SLCO5A1: variants seen among roughly 807,000 people sequenced by gnomAD.
SLCO5A1 encodes the protein solute carrier organic anion transporter family member 5A1, also known as organic anion transporter polypeptide-related protein 4.
A neutral mutation model predicts 65.1 loss-of-function variants in SLCO5A1; 39 were observed. That is an observed-to-expected ratio of 0.60 (90% CI 0.46 to 0.78). The LOEUF is 0.78. SLCO5A1 is among the 30% of genes least tolerant of loss of function. SLCO5A1 has a pLI of 0.00. For missense variants in SLCO5A1, 1,029 were observed against 1,069.4 expected (o/e 0.96, Z 0.53); for synonymous variants, 438 against 415.7 (o/e 1.05, Z -0.65).
chr8:69,691,197 A>G (rs549893876), intron 6 of SLCO5A1, among the ~76,000 whole-genome samples: 19 of 152,262 alleles, frequency 1.2e-4, no homozygotes, highest in African/African-American at 4.6e-4. Context: ...CACATTTCTT[A>G]ATTAAAACTG....
At chr8:69,687,097 A>C (rs954260981) in intron 6 of SLCO5A1, among the ~76,000 whole-genome samples, 1 of 152,158 alleles carries the variant, frequency 6.6e-6, no homozygotes, top group African/African-American at 2.4e-5. Flanking sequence ...CACAATCACA[A>C]ACGTGAGGAG....
At chr8:69,684,097 G>A (rs867246765) in intron 6 of SLCO5A1, among the ~76,000 whole-genome samples, 1 of 151,586 alleles carries the variant, frequency 6.6e-6, no homozygotes, top group Admixed American at 6.6e-5. Flanking sequence ...CATTCATGTC[G>A]CTCCATAGAA....
chr8:69,822,519 C>T (rs1270671966), intron 2 of SLCO5A1, among the ~76,000 whole-genome samples: 1 of 152,138 alleles, frequency 6.6e-6, no homozygotes, highest in East Asian at 1.9e-4. Context: ...TTTTAATTTC[C>T]CATGCAATGT....
chr8:69,787,814 C>T (rs1819101983), intron 2 of SLCO5A1, among the ~76,000 whole-genome samples: 2 of 152,076 alleles, frequency 1.3e-5, no homozygotes, highest in Admixed American at 1.3e-4. Flanking sequence ...CAAACAGATG[C>T]CAGGCACTAG....
intron 5 of SLCO5A1, among the ~76,000 whole-genome samples, chr8:69,731,794 G>A (rs1277004348): frequency 6.6e-6 from 1 of 152,146 alleles, no homozygotes; most frequent in African/African-American, 2.4e-5. Context: ...CAAAATGTTG[G>A]TTTGCAAGTA....
intron 5 of SLCO5A1, among the ~76,000 whole-genome samples, chr8:69,734,863 A>C (rs1816491001): frequency 6.6e-6 from 1 of 152,236 alleles, no homozygotes; most frequent in African/African-American, 2.4e-5. Context: ...AGAGAACAAA[A>C]GAGCTCAAAT....
chr8:69,758,093 T>A (rs964927407), intron 3 of SLCO5A1, among the ~76,000 whole-genome samples: 3 of 152,248 alleles, frequency 2.0e-5, no homozygotes, highest in African/African-American at 7.2e-5. Context: ...AGTGTTATGA[T>A]GGATGTCATA....
chr8:69,832,279 A>T lies in SLCO5A1; in HGVS notation c.395T>A (p.Val132Glu). Residue 132 changes from valine (V) to glutamate (E), a missense_variant, in exon 2 of 10, where the codon GTG (valine) becomes GAG (glutamate). Transcript: ENST00000260126. The surrounding 1 kb of genome is among the most constrained non-coding windows in gnomAD (Gnocchi z 4.5). ...VVLTDSRCFL[V>E]CMCFLTFIQA... ...GATGAAGGTCAGAAAGCACATGCAC[A>T]CCAGGAAGCAACGGGAATCCGTGAG... 1 of 1,614,164 alleles carries T rather than the reference A, an allele frequency of 6.2e-7. No individual in the cohort carries two copies. The highest frequency in any genetic ancestry group is 8.5e-7 in the Non-Finnish European group (1 of 1,180,032).
chr8:69,704,462 T>A (rs986962438), intron 6 of SLCO5A1, among the ~76,000 whole-genome samples: 1 of 152,222 alleles, frequency 6.6e-6, no homozygotes, highest in African/African-American at 2.4e-5. Context: ...TTCCATTTTT[T>A]AAAAGCTCAG....
chr8:69,761,860 A>C lies in SLCO5A1; in HGVS notation c.923T>G (p.Met308Arg). 1 of 1,613,284 alleles carries C rather than the reference A, an allele frequency of 6.2e-7. No individual in the cohort carries two copies. Among genetic ancestry groups the C allele is most frequent in the Non-Finnish European group, 8.5e-7 (1 of 1,179,892 alleles). ...TCCCACTGCAGGGCCAAGTGCTCCC[A>C]TGACATACATGATGGCTGAGAAGAC... ...SSLYLAIMYV[M>R]GALGPAVGYL... Residue 308 changes from methionine (M) to arginine (R), a missense_variant, in exon 3 of 10, where the codon ATG becomes AGG. Coordinates refer to ENST00000260126, the MANE Select transcript of SLCO5A1 (RefSeq NM_030958.3).
chr8:69,772,625 A>AAAGGGAAGGGAAGGG (rs1818376472), intron 2 of SLCO5A1, among the ~76,000 whole-genome samples: 1 of 149,898 alleles, frequency 6.7e-6, no homozygotes, highest in African/African-American at 2.5e-5. Context: ...AAAGGAAAGG[A>AAAGGGAAGGGAAGGG]AAGGAAAGGA....
At chr8:69,688,485 G>C (rs183095323) in intron 6 of SLCO5A1, among the ~76,000 whole-genome samples, 6 of 147,952 alleles carry the variant, frequency 4.1e-5, no homozygotes, top group Admixed American at 6.7e-5. Flanking sequence ...ATCCCTCCCC[G>C]CTCCCCCCAC....
chr8:69,687,259 G>A (rs934664729), intron 6 of SLCO5A1, among the ~76,000 whole-genome samples: 10 of 152,102 alleles, frequency 6.6e-5, no homozygotes, highest in East Asian at 1.9e-4. Flanking sequence ...AAATCTTTTC[G>A]TCTATGGCTA....
rs143914022 is a variant in SLCO5A1 at position 69,756,208 on chromosome 8, C to T, written c.1041-567G>A. 8.7e-3 allele frequency among the ~76,000 whole-genome samples: 1,323 copies of T among 152,210 alleles called. 22 individuals are homozygous for T. The highest frequency in any genetic ancestry group is 0.03 in the African/African-American group (1,258 of 41,512). On this transcript the variant is annotated intron_variant, in intron 3 of 9. Coordinates refer to ENST00000260126, the MANE Select transcript of SLCO5A1 (RefSeq NM_030958.3). ...GGAGGCTGAAACAGGAGTTTGAGAC[C>T]AGCCTGGCCAACATGGTGAAACCCT...
chr8:69,727,841 A>C (rs1368006755), intron 5 of SLCO5A1, among the ~76,000 whole-genome samples: 1 of 152,242 alleles, frequency 6.6e-6, no homozygotes, highest in Non-Finnish European at 1.5e-5. Flanking sequence ...CCTGAGTATT[A>C]TGTGACAAAA....
intron 4 of SLCO5A1, among the ~76,000 whole-genome samples, chr8:69,754,583 A>G (rs1817463893): frequency 6.6e-6 from 1 of 152,222 alleles, no homozygotes; most frequent in African/African-American, 2.4e-5. Context: ...ATCAATTCAG[A>G]GAATGTTGGA....
chr8:69,774,817 G>A (rs1467338174), intron 2 of SLCO5A1, among the ~76,000 whole-genome samples: 3 of 152,168 alleles, frequency 2.0e-5, no homozygotes, highest in Non-Finnish European at 4.4e-5. Flanking sequence ...AGATAACAGA[G>A]GACATGAAGA....
intron 2 of SLCO5A1, among the ~76,000 whole-genome samples, chr8:69,803,539 C>T (rs1819852413): frequency 6.6e-6 from 1 of 151,868 alleles, no homozygotes; most frequent in Non-Finnish European, 1.5e-5. Flanking sequence ...CAAAAAAAAA[C>T]AAAAAAACAC....
intron 2 of SLCO5A1, among the ~76,000 whole-genome samples, chr8:69,818,160 A>C (rs1820481407): frequency 2.0e-5 from 3 of 152,334 alleles, no homozygotes; most frequent in African/African-American, 4.8e-5. Context: ...CAGTTTATGA[A>C]ATACCCAAAA....
Sources: allele counts gnomAD v4.1 joint callset (sites outside exome capture counted in the v4.1 genomes callset), GRCh38; gene constraint gnomAD v4.1.1; non-coding constraint Gnocchi (gnomAD v3.1); transcripts MANE v1.5; gene names NCBI Gene and HGNC (gene_info 2026-07-23, HGNC 2026-07-21).